Variants in ZNF69 observed in about 807,000 individuals in gnomAD.
ZNF69 encodes the protein zinc finger protein 69, also known as ZNF3.
ZNF69 carries 47 observed loss-of-function variants against 50.9 expected under a neutral mutation model. That is an observed-to-expected ratio of 0.92 (90% CI 0.73 to 1.18). ZNF69 has a LOEUF of 1.18. Ranked by LOEUF, ZNF69 falls within the 50% of genes most tolerant of loss-of-function variation. ZNF69 has a pLI of 0.00. For synonymous variants in ZNF69, 216 were observed against 223.1 expected (o/e 0.97, Z 0.29); for missense variants, 717 against 675.1 (o/e 1.06, Z -0.69).
chr19:11,902,299 G>T (rs552873094), intron 1 of ZNF69, among the ~76,000 whole-genome samples: 1 of 152,188 alleles, frequency 6.6e-6, no homozygotes, highest in African/African-American at 2.4e-5. Context: ...CATTTTCTAA[G>T]AGTAAATAAT....
the ZNF69 span, among the ~76,000 whole-genome samples, chr19:11,936,032 T>C: frequency 2.6e-5 from 4 of 152,222 alleles, no homozygotes; most frequent in Admixed American, 6.5e-5. Flanking sequence ...GCAAAGGACA[T>C]GAACTCATCC....
chr19:11,924,111 G>A, the ZNF69 span, among the ~76,000 whole-genome samples: 3 of 152,162 alleles, frequency 2.0e-5, no homozygotes, highest in East Asian at 1.9e-4. Context: ...GCATGGGGTC[G>A]TTGGGGTCAG....
the ZNF69 span, among the ~76,000 whole-genome samples, chr19:11,955,576 T>C: frequency 6.6e-6 from 1 of 152,000 alleles, no homozygotes; most frequent in African/African-American, 2.4e-5. Flanking sequence ...ATTACAGGTG[T>C]GAGCCACCGT....
rs755220379 is a variant in ZNF69 at position 11,898,969 on chromosome 19, C to A, written c.64-4604C>A. On this transcript the variant is annotated intron_variant, in intron 1 of 3. Coordinates refer to ENST00000429654, the MANE Select transcript of ZNF69 (RefSeq NM_001364730.1). ...AATGTTATTATTACCTAAAGTCCAT[C>A]TTTTACATTAGGCTTCACTCTTTGT... 2.8e-4 allele frequency among the ~76,000 whole-genome samples: 43 copies of A among 152,214 alleles called. 1 individual carries two copies. The highest frequency in any genetic ancestry group is 5.9e-5 in the Non-Finnish European group (4 of 68,044).
the ZNF69 span, chr19:11,950,490 G>T: frequency 1.6e-6 from 1 of 631,926 alleles, no homozygotes; most frequent in South Asian, 1.7e-5. Flanking sequence ...TTCTAGTTCC[G>T]TTTGATATCA....
At chr19:11,944,642 A>T in the ZNF69 span, among the ~76,000 whole-genome samples, 37 of 152,340 alleles carry the variant, frequency 2.4e-4, no homozygotes, top group South Asian at 7.0e-3. Flanking sequence ...GTATGTACAC[A>T]CAAGAACTAG....
chr19:11,970,984 G>A, the ZNF69 span, among the ~76,000 whole-genome samples: 1 of 152,040 alleles, frequency 6.6e-6, no homozygotes, highest in Admixed American at 6.6e-5. Flanking sequence ...ACAATTTGCT[G>A]TTTTCCATTG....
chr19:11,934,519 C>CTTTGTTTG, the ZNF69 span, among the ~76,000 whole-genome samples: 2 of 146,420 alleles, frequency 1.4e-5, no homozygotes, highest in Admixed American at 6.7e-5. Flanking sequence ...TTCTTTTTTT[C>CTTTGTTTG]TTTGTTTGTT....
chr19:11,954,284 A>G, the ZNF69 span, among the ~76,000 whole-genome samples: 8 of 152,130 alleles, frequency 5.3e-5, no homozygotes, highest in African/African-American at 1.9e-4. Flanking sequence ...CTGCAAGAGG[A>G]AAGGAAGAAG....
intron 1 of ZNF69, among the ~76,000 whole-genome samples, 184 bp downstream of exon 1, chr19:11,888,170 C>T (rs1304914267): frequency 6.6e-6 from 1 of 152,224 alleles, no homozygotes; most frequent in African/African-American, 2.4e-5. Flanking sequence ...AGCCGGGACA[C>T]CAGGCGTCCT....
downstream of ZNF69, among the ~76,000 whole-genome samples, chr19:11,909,795 A>G (rs1007188393): frequency 6.6e-6 from 1 of 151,756 alleles, no homozygotes; most frequent in Non-Finnish European, 1.5e-5. Context: ...ACTCCTATTC[A>G]ACATAGTGTT....
At chr19:11,941,820 G>A in the ZNF69 span, among the ~76,000 whole-genome samples, 2 of 152,242 alleles carry the variant, frequency 1.3e-5, no homozygotes, top group East Asian at 3.9e-4. Context: ...CCAAGAGCGA[G>A]CGAGGGCTGT....
chr19:11,925,169 T>C, the ZNF69 span: 42 of 1,606,840 alleles, frequency 2.6e-5, 1 homozygote, highest in Admixed American at 6.7e-4. Flanking sequence ...GAGAGGGACC[T>C]GGTGCCTGTA....
At chr19:11,890,522 T>A (rs1386255983) in intron 1 of ZNF69, among the ~76,000 whole-genome samples, 2 of 152,240 alleles carry the variant, frequency 1.3e-5, no homozygotes, top group African/African-American at 4.8e-5. Context: ...GAACAATTTT[T>A]GTTAGTACAT....
chr19:11,905,650 G>A lies in ZNF69; in HGVS notation c.1253G>A (p.Cys418Tyr). The A allele has an allele frequency of 6.2e-7, 1 of 1,614,062 alleles. No individual in the cohort carries two copies. Among genetic ancestry groups the A allele is most frequent in the Non-Finnish European group, 8.5e-7 (1 of 1,180,020 alleles). Residue 418 changes from cysteine (C) to tyrosine (Y), a missense_variant, in exon 4 of 4, where the codon TGT (cysteine) becomes TAT (tyrosine). Cys to Tyr is a radical substitution (Grantham distance 194, BLOSUM62 -2). Transcript: ENST00000429654. ...RIHTGEKPYE[C>Y]KQCGKAFRSS... ...CACACTGGAGAGAAACCCTATGAGT[G>A]TAAGCAATGTGGGAAGGCCTTCAGA...
the ZNF69 span, chr19:11,925,169 T>G: frequency 6.2e-7 from 1 of 1,606,960 alleles, no homozygotes; most frequent in Non-Finnish European, 8.5e-7. Flanking sequence ...GAGAGGGACC[T>G]GGTGCCTGTA....
the ZNF69 span, among the ~76,000 whole-genome samples, chr19:11,937,715 C>G: frequency 6.6e-6 from 1 of 151,958 alleles, no homozygotes; most frequent in African/African-American, 2.4e-5. Flanking sequence ...GTCTCGATCT[C>G]CTGACCTCAT....
chr19:11,903,876 AG>A (rs1261485614), intron 2 of ZNF69, 28 bp from the exon 3 acceptor site: 3 of 1,612,184 alleles, frequency 1.9e-6, no homozygotes, highest in Non-Finnish European at 2.5e-6. Context: ...ATACTGCCTC[AG>A]GACTATTTTT....
the ZNF69 span, among the ~76,000 whole-genome samples, chr19:11,976,307 C>A: frequency 1.3e-4 from 19 of 151,872 alleles, no homozygotes; most frequent in Admixed American, 3.9e-4. Flanking sequence ...ACAGCCCAGG[C>A]AGCTCCCTTT....
Sources: allele counts gnomAD v4.1 joint callset (sites outside exome capture counted in the v4.1 genomes callset), GRCh38; gene constraint gnomAD v4.1.1; transcripts MANE v1.5; gene names NCBI Gene and HGNC (gene_info 2026-07-23, HGNC 2026-07-21).